Variants in EPHA4 observed in about 807,000 individuals in gnomAD.
EPHA4 encodes EPH receptor A4.
EPHA4 carries 19 observed loss-of-function variants against 108.3 expected under a neutral mutation model. The observed-to-expected ratio is 0.18, with a 90% CI of 0.12 to 0.26. The LOEUF (loss-of-function observed/expected upper bound fraction) is 0.26, where lower values mean the gene tolerates loss of function less well. Ranked by LOEUF, EPHA4 falls within the 10% of genes least tolerant of loss-of-function variation. The pLI is 1.00. For missense variants in EPHA4, 917 were observed against 1,254.0 expected (o/e 0.73, Z 4.06); for synonymous variants, 449 against 455.5 (o/e 0.99, Z 0.18).
At chr2:221,507,398 G>C (rs1692662787) in intron 3 of EPHA4, among the ~76,000 whole-genome samples, 1 of 152,156 alleles carries the variant, frequency 6.6e-6, no homozygotes, top group South Asian at 2.1e-4. Context: ...TGATTTGGAA[G>C]CTATTCCTAT....
rs758415725 is a variant in EPHA4 at position 221,572,204 on chromosome 2, C to A, written c.45G>T (p.Gly15=). The change falls in exon 1 of 18, where the codon GGG becomes GGT. Residue 15 remains glycine (G), a synonymous_variant. Transcript: ENST00000281821. ...FYFALFSCLF[G]ICDAVTGSRV... ...TGGAACCTGTGACAGCGTCGCAAATCCCGAAGAGACACGAAAATAGGGCGA... is the reference window on the plus strand; with the variant it reads ...TGGAACCTGTGACAGCGTCGCAAATACCGAAGAGACACGAAAATAGGGCGA... 2 of 1,614,178 alleles carry A rather than the reference C, an allele frequency of 1.2e-6. No individual in the cohort carries two copies. Among genetic ancestry groups the A allele is most frequent in the South Asian group, 1.1e-5 (1 of 91,090 alleles).
intron 11 of EPHA4, among the ~76,000 whole-genome samples, chr2:221,441,572 C>T (rs543653404): frequency 9.2e-5 from 14 of 152,156 alleles, no homozygotes; most frequent in South Asian, 4.1e-4. Flanking sequence ...GGTACCAAGA[C>T]GGGAGGGTGA....
At chr2:221,487,589 T>G (rs567257195) in intron 4 of EPHA4, among the ~76,000 whole-genome samples, 2 of 152,178 alleles carry the variant, frequency 1.3e-5, no homozygotes, top group Non-Finnish European at 2.9e-5. Context: ...ACAACAGCTT[T>G]TGCCTTTAAT....
Position 221,419,494 on chromosome 2 carries a change from A to G in EPHA4, c.*1878T>C, listed in dbSNP as rs888872816. ...TTGCATATATTCGTTCGCATTCAAC[A>G]AGTCCATTTATGCAGGAAAACAAAG... On this transcript the variant is annotated 3_prime_UTR_variant, in exon 18 of 18. Transcript: ENST00000281821. 1.3e-5 allele frequency: 2 copies of G among 152,640 alleles called. No individual in the cohort carries two copies. Among genetic ancestry groups the G allele is most frequent in the African/African-American group, 2.4e-5 (1 of 41,452 alleles). 9.5% of individuals were successfully genotyped at this position (152,640 alleles called of 1,614,324 possible). A position where few individuals can be genotyped will look rare whatever the true frequency, so the allele number is the denominator to read the frequency against.
chr2:221,454,988 C>T (rs1163363930), intron 8 of EPHA4, among the ~76,000 whole-genome samples: 2 of 152,122 alleles, frequency 1.3e-5, no homozygotes, highest in African/African-American at 4.8e-5. Context: ...GTGAAGTACC[C>T]ATTTCTTTGC....
intron 8 of EPHA4, among the ~76,000 whole-genome samples, chr2:221,452,758 C>T (rs1690826942): frequency 6.6e-6 from 1 of 151,782 alleles, no homozygotes; most frequent in Non-Finnish European, 1.5e-5. Context: ...CGCTAGGTAA[C>T]TCGACAGGCT....
chr2:221,458,199 T>C (rs1691022654), intron 5 of EPHA4, among the ~76,000 whole-genome samples: 1 of 152,176 alleles, frequency 6.6e-6, no homozygotes, highest in Middle Eastern at 3.2e-3. Flanking sequence ...AAAAAGAGAA[T>C]CTCTGAAGTA....
chr2:221,449,686 A>G (rs533543346), intron 8 of EPHA4, among the ~76,000 whole-genome samples: 6 of 152,206 alleles, frequency 3.9e-5, no homozygotes, highest in African/African-American at 1.4e-4. Context: ...CACCTTGACT[A>G]TTCAATATAA....
chr2:221,429,018 G>A lies in EPHA4; in HGVS notation c.2690+940C>T, dbSNP rs575480225. ...AAGACTGGAAGGGCTTAAATATTAC[G>A]GGAGAAAATGTCCTCCTATTTTTAA... On this transcript the variant is annotated intron_variant, in intron 15 of 17. Transcript: ENST00000281821. 2.9e-3 allele frequency among the ~76,000 whole-genome samples: 443 copies of A among 152,226 alleles called. 1 individual carries two copies. The highest frequency in any genetic ancestry group is 5.2e-3 in the Non-Finnish European group (352 of 68,018).
intron 5 of EPHA4, among the ~76,000 whole-genome samples, chr2:221,477,363 GT>G (rs1014937039): frequency 1.3e-5 from 2 of 152,202 alleles, no homozygotes; most frequent in Non-Finnish European, 2.9e-5. Context: ...TATGAAGTCT[GT>G]TCTTAAAAAC....
intron 4 of EPHA4, among the ~76,000 whole-genome samples, chr2:221,497,559 T>C (rs1486264374): frequency 6.6e-6 from 1 of 151,878 alleles, no homozygotes; most frequent in Non-Finnish European, 1.5e-5. Flanking sequence ...GCCGATAGGG[T>C]GAAACTCTGT....
At chr2:221,501,898 G>GT (rs1365697707) in intron 3 of EPHA4, among the ~76,000 whole-genome samples, 3 of 152,124 alleles carry the variant, frequency 2.0e-5, no homozygotes, top group African/African-American at 7.2e-5. Flanking sequence ...GCTAAGATTT[G>GT]TTTTTTGATC....
chr2:221,451,026 C>G (rs1690768419), intron 8 of EPHA4, among the ~76,000 whole-genome samples: 1 of 152,112 alleles, frequency 6.6e-6, no homozygotes, highest in African/African-American at 2.4e-5. Flanking sequence ...CCAGCCTGGC[C>G]AACATGGTGA....
chr2:221,496,299 A>G (rs1007986793), intron 4 of EPHA4, among the ~76,000 whole-genome samples: 1 of 152,196 alleles, frequency 6.6e-6, no homozygotes, highest in African/African-American at 2.4e-5. Context: ...TCCACTAGCC[A>G]TATATGGCTA....
intron 3 of EPHA4, among the ~76,000 whole-genome samples, chr2:221,508,535 T>C (rs1378761323): frequency 6.8e-6 from 1 of 147,978 alleles, no homozygotes; most frequent in African/African-American, 2.5e-5. Flanking sequence ...GCCAAGATCA[T>C]GCCACTGCAC....
chr2:221,420,903 A>G (rs1689740075), intron 17 of EPHA4, among the ~76,000 whole-genome samples: 1 of 152,192 alleles, frequency 6.6e-6, no homozygotes, highest in Admixed American at 6.5e-5. Context: ...TCTAATTGAT[A>G]TTTATGCTTT....
intron 3 of EPHA4, among the ~76,000 whole-genome samples, chr2:221,519,685 A>T (rs984886823): frequency 1.3e-5 from 2 of 152,220 alleles, no homozygotes; most frequent in Non-Finnish European, 2.9e-5. Context: ...GACTCTGCTC[A>T]TGGATGATAT....
chr2:221,443,734 A>G, intron 9 of EPHA4, 128 bp from the exon 10 acceptor site: 1 of 550,986 alleles, frequency 1.8e-6, no homozygotes, highest in Non-Finnish European at 3.2e-6. Flanking sequence ...ACATATGAAA[A>G]TGGTTAAATT....
At chr2:221,475,897 A>G (rs928524856) in intron 5 of EPHA4, among the ~76,000 whole-genome samples, 7 of 152,174 alleles carry the variant, frequency 4.6e-5, no homozygotes, top group Non-Finnish European at 1.0e-4. Context: ...TTAGGGCACT[A>G]AAGGAAGCAA....
Sources: allele counts gnomAD v4.1 joint callset (sites outside exome capture counted in the v4.1 genomes callset), GRCh38; gene constraint gnomAD v4.1.1; transcripts MANE v1.5; gene names NCBI Gene and HGNC (gene_info 2026-07-23, HGNC 2026-07-21).